Variants in CFAP299 observed in about 807,000 individuals in gnomAD.
CFAP299 encodes cilia and flagella associated protein 299.
In CFAP299, 21 loss-of-function variants were observed where a neutral mutation model predicts 27.0. That is an observed-to-expected ratio of 0.78 (90% CI 0.55 to 1.12). The LOEUF is 1.12. Among genes scored for constraint, CFAP299 ranks in the 50% most tolerant of loss-of-function variants. The pLI is 0.00. For missense variants in CFAP299, 310 were observed against 276.6 expected (o/e 1.12, Z -0.86); for synonymous variants, 104 against 98.1 (o/e 1.06, Z -0.36).
chr4:80,545,432 C>G (rs924050769), intron 2 of CFAP299, among the ~76,000 whole-genome samples: 6 of 151,804 alleles, frequency 4.0e-5, no homozygotes, highest in African/African-American at 1.5e-4. Flanking sequence ...TACAAACCAC[C>G]CTACAGAAGA....
chr4:80,923,670 A>T (rs1418058692), intron 4 of CFAP299, among the ~76,000 whole-genome samples: 1 of 152,048 alleles, frequency 6.6e-6, no homozygotes, highest in East Asian at 1.9e-4. Context: ...ACAAATTTTC[A>T]TTAATTGAAC....
Position 80,562,463 on chromosome 4 carries a change from T to C in CFAP299, c.243-20630T>C, listed in dbSNP as rs200440629. ...AAATACAAAAATTAGCTGGGTGTAG[T>C]GGCGGGTGCCCGTAATCCCAGCTAC... On this transcript the variant is annotated intron_variant, in intron 2 of 5. Coordinates refer to ENST00000358105, the MANE Select transcript of CFAP299 (RefSeq NM_152770.3). 1.5e-4 allele frequency among the ~76,000 whole-genome samples: 23 copies of C among 151,830 alleles called. 2 individuals carry two copies. The East Asian group carries it at 4.5e-3, about 30-fold the overall frequency.
intron 3 of CFAP299, among the ~76,000 whole-genome samples, chr4:80,656,038 C>T (rs1577980779): frequency 6.6e-6 from 1 of 152,088 alleles, no homozygotes; most frequent in African/African-American, 2.4e-5. Flanking sequence ...AATTGCCCAA[C>T]ATCATTTTGA....
intron 5 of CFAP299, among the ~76,000 whole-genome samples, chr4:80,962,033 G>A (rs1191882139): frequency 1.3e-5 from 2 of 151,894 alleles, no homozygotes; most frequent in East Asian, 3.9e-4. Flanking sequence ...CGGAAGATCT[G>A]CAAAGTTAAA....
chr4:80,600,538 A>T (rs1737285289), intron 3 of CFAP299, among the ~76,000 whole-genome samples: 1 of 152,134 alleles, frequency 6.6e-6, no homozygotes, highest in South Asian at 2.1e-4. Context: ...TGAGCTTTTA[A>T]ATTAAAAACA....
intron 2 of CFAP299, among the ~76,000 whole-genome samples, chr4:80,452,399 A>G (rs1204802572): frequency 1.3e-5 from 2 of 152,224 alleles, no homozygotes; most frequent in East Asian, 1.9e-4. Flanking sequence ...GGCTACTGCC[A>G]TTTCTGAGCA....
chr4:80,641,277 T>A (rs1739713567), intron 3 of CFAP299, among the ~76,000 whole-genome samples: 2 of 152,180 alleles, frequency 1.3e-5, no homozygotes, highest in South Asian at 4.1e-4. Flanking sequence ...TGATCTCAGC[T>A]CACTACAACC....
At chr4:80,932,224 A>G (rs1197771995) in intron 4 of CFAP299, among the ~76,000 whole-genome samples, 1 of 152,208 alleles carries the variant, frequency 6.6e-6, no homozygotes, top group African/African-American at 2.4e-5. Context: ...TGACTGTGCC[A>G]TAACTCTTAA....
intron 2 of CFAP299, among the ~76,000 whole-genome samples, chr4:80,581,985 T>A (rs771247534): frequency 6.6e-5 from 10 of 152,008 alleles, no homozygotes; most frequent in Non-Finnish European, 1.5e-4. Flanking sequence ...TAACAATATG[T>A]TTATTATAAT....
intron 3 of CFAP299, among the ~76,000 whole-genome samples, chr4:80,585,126 A>T (rs190306830): frequency 1.3e-5 from 2 of 152,160 alleles, no homozygotes; most frequent in Admixed American, 1.3e-4. Flanking sequence ...GATGAAGAGA[A>T]ATGATTTGAG....
intron 3 of CFAP299, among the ~76,000 whole-genome samples, chr4:80,689,398 A>G (rs59605098): frequency 0.076 from 11,547 of 152,230 alleles, 648 homozygotes; most frequent in East Asian, 0.23. Context: ...CAACATTCTC[A>G]AAGAAAAGAA....
intron 2 of CFAP299, among the ~76,000 whole-genome samples, chr4:80,510,199 G>T (rs769498269): frequency 2.0e-5 from 3 of 151,870 alleles, no homozygotes; most frequent in Admixed American, 1.3e-4. Context: ...AATATGTTTC[G>T]CTTATCTGAA....
At chr4:80,618,557 T>G (rs1014335900) in intron 3 of CFAP299, among the ~76,000 whole-genome samples, 2 of 152,046 alleles carry the variant, frequency 1.3e-5, no homozygotes, top group Admixed American at 6.6e-5. Flanking sequence ...GGTAAAGTAA[T>G]ATGAAGTAAA....
intron 3 of CFAP299, among the ~76,000 whole-genome samples, chr4:80,604,300 T>C (rs1248956758): frequency 1.3e-5 from 2 of 151,900 alleles, no homozygotes; most frequent in East Asian, 3.9e-4. Context: ...TAAGAGAAAA[T>C]GCAAGCTGAT....
chr4:80,321,559 C>A, the CFAP299 span, among the ~76,000 whole-genome samples: 1 of 152,126 alleles, frequency 6.6e-6, no homozygotes, highest in Non-Finnish European at 1.5e-5. Flanking sequence ...AAGGGCCGCT[C>A]CCCCATCGCC....
rs187303160 is a variant in CFAP299 at position 80,935,458 on chromosome 4, G to A, written c.477-9352G>A. 4.1e-3 allele frequency among the ~76,000 whole-genome samples: 616 copies of A among 151,938 alleles called. 1 individual carries two copies. The highest frequency in any genetic ancestry group is 0.014 in the Middle Eastern group (4 of 294). ...ACAAATATGATTTTTTTTAAAAAAA[G>A]CAAGCAATGGGGAAAGTATTCCCTA... On this transcript the variant is annotated intron_variant, in intron 4 of 5. Coordinates refer to ENST00000358105, the MANE Select transcript of CFAP299 (RefSeq NM_152770.3).
At chr4:80,707,564 A>G (rs1008017186) in intron 3 of CFAP299, among the ~76,000 whole-genome samples, 5 of 152,072 alleles carry the variant, frequency 3.3e-5, no homozygotes, top group Non-Finnish European at 7.4e-5. Flanking sequence ...ACACATAGTC[A>G]TAACACACCA....
chr4:80,471,949 G>A (rs1479941853), intron 2 of CFAP299, among the ~76,000 whole-genome samples: 1 of 152,142 alleles, frequency 6.6e-6, no homozygotes, highest in Non-Finnish European at 1.5e-5. Context: ...AAGCCACACT[G>A]CCCCTGCACT....
At chr4:80,577,793 T>C (rs866976213) in intron 2 of CFAP299, among the ~76,000 whole-genome samples, 26 of 152,174 alleles carry the variant, frequency 1.7e-4, no homozygotes, top group Middle Eastern at 3.2e-3. Context: ...ATCACAAATA[T>C]GTAGTGAAAG....
Sources: allele counts gnomAD v4.1 joint callset (sites outside exome capture counted in the v4.1 genomes callset), GRCh38; gene constraint gnomAD v4.1.1; transcripts MANE v1.5; gene names NCBI Gene and HGNC (gene_info 2026-07-23, HGNC 2026-07-21).